Variants in RAB31 observed in about 807,000 individuals in gnomAD.
The protein encoded by RAB31 is ras-related protein Rab-31.
A neutral mutation model predicts 25.6 loss-of-function variants in RAB31; 21 were observed. The ratio of observed to expected loss-of-function variants is 0.82; its 90% CI spans 0.58 to 1.18. The LOEUF (loss-of-function observed/expected upper bound fraction) is 1.18, where lower values mean the gene tolerates loss of function less well. RAB31 is among the 50% of genes most tolerant of loss of function. RAB31 has a pLI of 0.00. For missense variants in RAB31, 196 were observed against 250.1 expected (o/e 0.78, Z 1.46); for synonymous variants, 87 against 84.0 (o/e 1.04, Z -0.20).
intron 4 of RAB31, chr18:9,814,628 G>A (rs1737644866): frequency 6.3e-6 from 1 of 159,348 alleles, no homozygotes; most frequent in Non-Finnish European, 1.4e-5. Context: ...CAGCACATAA[G>A]ACTGTTAGTT....
At chr18:9,761,060 A>T (rs2068286118) in intron 1 of RAB31, among the ~76,000 whole-genome samples, 1 of 152,142 alleles carries the variant, frequency 6.6e-6, no homozygotes. Flanking sequence ...CTTAGATGGA[A>T]TGACTGCATT....
intron 1 of RAB31, among the ~76,000 whole-genome samples, chr18:9,754,000 G>A (rs546203784): frequency 6.6e-6 from 1 of 152,248 alleles, no homozygotes; most frequent in Admixed American, 6.5e-5. Context: ...ACTATCCGGT[G>A]CCAAGTGCAT....
intron 1 of RAB31, among the ~76,000 whole-genome samples, chr18:9,736,087 T>C (rs1430964420): frequency 6.6e-6 from 1 of 152,112 alleles, no homozygotes; most frequent in Non-Finnish European, 1.5e-5. Context: ...CCCTCCTGCC[T>C]GAGCCTCCTG....
At chr18:9,826,872 C>T (rs1438036031) in intron 5 of RAB31, among the ~76,000 whole-genome samples, 5 of 152,086 alleles carry the variant, frequency 3.3e-5, no homozygotes, top group Admixed American at 2.6e-4. Context: ...GAGGGAAGGT[C>T]AGAGGAAGAA....
At chr18:9,817,229 G>T (rs1358174958) in intron 5 of RAB31, among the ~76,000 whole-genome samples, 1 of 152,130 alleles carries the variant, frequency 6.6e-6, no homozygotes, top group Non-Finnish European at 1.5e-5. Flanking sequence ...CTAATTATGG[G>T]ACTAATGTGC....
chr18:9,758,984 T>G (rs1001896391), intron 1 of RAB31, among the ~76,000 whole-genome samples: 1 of 151,920 alleles, frequency 6.6e-6, no homozygotes, highest in African/African-American at 2.4e-5. Context: ...AGTAGAAGAT[T>G]AGACAGAATT....
intron 1 of RAB31, 25 bp from the exon 2 acceptor site, chr18:9,775,253 C>T (rs754533716): frequency 1.4e-5 from 22 of 1,613,530 alleles, no homozygotes; most frequent in Non-Finnish European, 1.8e-5. Flanking sequence ...TTCATCTTCA[C>T]GGTTGTATCC....
intron 1 of RAB31, among the ~76,000 whole-genome samples, chr18:9,724,781 G>A (rs1599013152): frequency 6.6e-6 from 1 of 152,184 alleles, no homozygotes; most frequent in Non-Finnish European, 1.5e-5. Context: ...ATAATCCTAA[G>A]CACGTAGACT....
At chr18:9,737,315 A>C (rs1464688378) in intron 1 of RAB31, among the ~76,000 whole-genome samples, 1 of 152,204 alleles carries the variant, frequency 6.6e-6, no homozygotes, top group Non-Finnish European at 1.5e-5. Flanking sequence ...GTGCACACAC[A>C]CACACACCCC....
chr18:9,751,817 C>G (rs1391327777), intron 1 of RAB31, among the ~76,000 whole-genome samples: 5 of 152,172 alleles, frequency 3.3e-5, no homozygotes, highest in Non-Finnish European at 7.3e-5. Context: ...GGGACAATTC[C>G]TCTTGGGAGT....
In RAB31 at chr18:9,786,916, C is replaced by G. The variant is rs1481804678; in HGVS notation, c.120-5238C>G. The stretch of plus-strand genomic sequence containing the variant: ...GGGAAATCCAGAAAAATAGAAACTA[C>G]TTTGAGTCTCAGTGGAGAAGTGATG... On this transcript the variant is annotated intron_variant, in intron 2 of 6. Coordinates refer to ENST00000578921, the MANE Select transcript of RAB31 (RefSeq NM_006868.4). The G allele has an allele frequency of 3.3e-5, 5 of 153,378 alleles. No individual in the cohort carries two copies. The East Asian group carries it at 9.7e-4, about 30-fold the overall frequency. 9.5% of individuals were successfully genotyped at this position (153,378 alleles called of 1,614,324 possible).
chr18:9,720,160 C>T (rs1374693136), intron 1 of RAB31, among the ~76,000 whole-genome samples: 4 of 152,270 alleles, frequency 2.6e-5, no homozygotes, highest in Non-Finnish European at 2.9e-5. Context: ...GATGGGGTTT[C>T]GCCATGTTGG....
At chr18:9,839,866 C>A (rs2068723868) in intron 5 of RAB31, among the ~76,000 whole-genome samples, 1 of 152,218 alleles carries the variant, frequency 6.6e-6, no homozygotes, top group Admixed American at 6.5e-5. Context: ...TCATTCCCAT[C>A]ACCTGAGCCT....
chr18:9,771,104 G>A (rs1053661910), intron 1 of RAB31, among the ~76,000 whole-genome samples: 1 of 152,062 alleles, frequency 6.6e-6, no homozygotes, highest in African/African-American at 2.4e-5. Context: ...TCAGGAGTTC[G>A]AGGCTGCAGT....
chr18:9,834,808 AG>A (rs2068696199), intron 5 of RAB31, among the ~76,000 whole-genome samples: 1 of 152,218 alleles, frequency 6.6e-6, no homozygotes, highest in Non-Finnish European at 1.5e-5. Context: ...CTTCGAAGAC[AG>A]AGTAATCTCT....
chr18:9,758,064 C>T (rs112682219), intron 1 of RAB31: 7,397 of 152,396 alleles, frequency 0.049, 238 homozygotes, highest in Admixed American at 0.082. Context: ...CCCTGTGGTG[C>T]GTAAGCCCTG....
intron 1 of RAB31, among the ~76,000 whole-genome samples, chr18:9,753,800 G>A (rs148768129): frequency 1.3e-5 from 2 of 152,290 alleles, no homozygotes; most frequent in Non-Finnish European, 2.9e-5. Context: ...AAATGGGAAC[G>A]ATGATACCTC....
intron 1 of RAB31, among the ~76,000 whole-genome samples, chr18:9,771,818 T>C (rs751444221): frequency 1.3e-5 from 2 of 152,256 alleles, no homozygotes; most frequent in Non-Finnish European, 2.9e-5. Flanking sequence ...ACTTTGTCTA[T>C]CCTTTCGTCC....
At chr18:9,710,174 C>T (rs552293618) in intron 1 of RAB31, among the ~76,000 whole-genome samples, 128 of 152,286 alleles carry the variant, frequency 8.4e-4, no homozygotes, top group African/African-American at 1.6e-3. Flanking sequence ...TGTCAAGAGG[C>T]AGGAAACCTA....
Sources: allele counts gnomAD v4.1 joint callset (sites outside exome capture counted in the v4.1 genomes callset), GRCh38; gene constraint gnomAD v4.1.1; transcripts MANE v1.5; gene names NCBI Gene and HGNC (gene_info 2026-07-23, HGNC 2026-07-21).